Variants in DIAPH3 observed in about 807,000 individuals in gnomAD.
DIAPH3 encodes protein diaphanous homolog 3.
In DIAPH3, 117 loss-of-function variants were observed where a neutral mutation model predicts 144.3. The observed-to-expected ratio is 0.81, with a 90% CI of 0.70 to 0.95. The LOEUF is 0.95. DIAPH3 is among the 40% of genes least tolerant of loss of function. The pLI, the probability that DIAPH3 is intolerant of heterozygous loss-of-function variation, is 0.00. For synonymous variants in DIAPH3, 519 were observed against 488.9 expected (o/e 1.06, Z -0.81); for missense variants, 1,421 against 1,412.7 (o/e 1.01, Z -0.09).
chr13:60,146,448 C>T (rs908890218), intron 1 of DIAPH3, among the ~76,000 whole-genome samples: 6 of 152,330 alleles, frequency 3.9e-5, no homozygotes, highest in African/African-American at 1.4e-4. Flanking sequence ...AACACAGATT[C>T]ATCTCCTTAA....
At chr13:60,163,195 T>C (rs1361922766) in intron 1 of DIAPH3, among the ~76,000 whole-genome samples, 1 of 152,204 alleles carries the variant, frequency 6.6e-6, no homozygotes, top group Non-Finnish European at 1.5e-5. Context: ...AAAGTTCTTA[T>C]ATGTAATTAA....
intron 2 of DIAPH3, among the ~76,000 whole-genome samples, chr13:60,116,430 T>TAAAACA (rs149343872): frequency 0.037 from 5,639 of 152,080 alleles, 168 homozygotes; most frequent in East Asian, 0.1. Context: ...GATGTTTGTT[T>TAAAACA]AAAACAAAAA....
intron 5 of DIAPH3, among the ~76,000 whole-genome samples, chr13:60,034,152 TTC>T (rs1442734612): frequency 2.6e-5 from 4 of 152,194 alleles, no homozygotes; most frequent in African/African-American, 9.7e-5. Context: ...GTTTAATAAT[TTC>T]TCTCATTGAA....
At chr13:59,852,169 T>C (rs1795519601) in intron 22 of DIAPH3, among the ~76,000 whole-genome samples, 1 of 152,210 alleles carries the variant, frequency 6.6e-6, no homozygotes, top group African/African-American at 2.4e-5. Flanking sequence ...TAGACACTTA[T>C]ATGACAAAAG....
intron 1 of DIAPH3, among the ~76,000 whole-genome samples, chr13:60,143,798 G>A (rs1951383383): frequency 6.6e-6 from 1 of 152,122 alleles, no homozygotes; most frequent in Admixed American, 6.5e-5. Flanking sequence ...GCTCAAATAT[G>A]GGGGTTGAAA....
intron 2 of DIAPH3, among the ~76,000 whole-genome samples, chr13:60,127,764 A>G (rs1035499802): frequency 1.3e-5 from 2 of 152,148 alleles, no homozygotes; most frequent in South Asian, 2.1e-4. Flanking sequence ...TACAGAGGGA[A>G]CCTTTTGGGG....
intron 18 of DIAPH3, among the ~76,000 whole-genome samples, chr13:59,918,595 G>T (rs180906491): frequency 4.5e-4 from 68 of 152,160 alleles, no homozygotes; most frequent in Non-Finnish European, 9.1e-4. Flanking sequence ...AAAATTTCCA[G>T]CCTGGGCTGC....
chr13:60,053,884 T>C (rs1473808984), intron 4 of DIAPH3, among the ~76,000 whole-genome samples: 1 of 152,062 alleles, frequency 6.6e-6, no homozygotes, highest in Non-Finnish European at 1.5e-5. Context: ...ATCTACACAC[T>C]CTGAAAGAAG....
chr13:59,914,758 A>G (rs2047149353), intron 19 of DIAPH3, among the ~76,000 whole-genome samples: 1 of 152,206 alleles, frequency 6.6e-6, no homozygotes, highest in South Asian at 2.1e-4. Context: ...TGGAAATACA[A>G]ACAGATTCTT....
intron 20 of DIAPH3, among the ~76,000 whole-genome samples, chr13:59,891,388 T>C (rs1323773545): frequency 6.6e-6 from 1 of 151,058 alleles, no homozygotes. Context: ...CAACACTACA[T>C]AGATGGTCTA....
At chr13:59,967,053 G>T (rs577490181) in intron 17 of DIAPH3, among the ~76,000 whole-genome samples, 1 of 151,688 alleles carries the variant, frequency 6.6e-6, no homozygotes, top group African/African-American at 2.4e-5. Context: ...GGGTTTGCCT[G>T]TTTTTGTTTT....
At chr13:59,875,672 G>A (rs1459906230) in intron 21 of DIAPH3, among the ~76,000 whole-genome samples, 3 of 152,096 alleles carry the variant, frequency 2.0e-5, no homozygotes, top group Non-Finnish European at 4.4e-5. Flanking sequence ...AGTGAAGTTT[G>A]CACATCACTT....
chr13:60,088,306 T>C (rs969750892), intron 4 of DIAPH3, among the ~76,000 whole-genome samples: 1 of 152,126 alleles, frequency 6.6e-6, no homozygotes, highest in Non-Finnish European at 1.5e-5. Context: ...TCTCTTTAAA[T>C]ATCTCTCCAA....
At position 59,784,849 on chromosome 13, in the gene DIAPH3, G is replaced by A. The variant is rs540543221; in HGVS notation, c.3164-10026C>T. Among the ~76,000 whole-genome samples, 205 of 150,892 alleles carry A rather than the reference G, an allele frequency of 1.4e-3. 1 individual carries two copies. The highest frequency in any genetic ancestry group is 4.7e-3 in the African/African-American group (194 of 41,228). ...ATTCTAGAAGAAAAACCACACACGC[G>A]CGCACACACACACACACACACAGTT... is the stretch of plus-strand genomic sequence containing the variant. On this transcript the variant is annotated intron_variant, in intron 25 of 27. Transcript: ENST00000400324.
Position 59,675,466 on chromosome 13 carries a change from G to A in DIAPH3, c.3320-8620C>T, listed in dbSNP as rs546055402. Among the ~76,000 whole-genome samples the A allele has an allele frequency of 5.0e-4, 76 of 151,258 alleles. 1 individual carries two copies. The highest frequency in any genetic ancestry group is 1.8e-3 in the African/African-American group (75 of 41,192). On this transcript the variant is annotated intron_variant, in intron 27 of 27. Coordinates refer to ENST00000400324, the MANE Select transcript of DIAPH3 (RefSeq NM_001042517.2). ...GTGGCACGATCTCGGCTCACTGCAA[G>A]CTTCGCCTCCCGGGTTCATGCCATT...
At chr13:59,680,430 G>A (rs951788827) in intron 27 of DIAPH3, among the ~76,000 whole-genome samples, 3 of 152,136 alleles carry the variant, frequency 2.0e-5, no homozygotes, top group Admixed American at 2.0e-4. Flanking sequence ...ATAGATTAAC[G>A]AAGTTGGTTC....
intron 17 of DIAPH3, among the ~76,000 whole-genome samples, chr13:59,930,510 A>G (rs2047972041): frequency 6.6e-6 from 1 of 152,216 alleles, no homozygotes; most frequent in Admixed American, 6.5e-5. Context: ...ACACAACAAT[A>G]GAAGAATAGT....
rs145938090 is a variant in DIAPH3, at chr13:60,072,457, C to A, written c.495+21171G>T. Among the ~76,000 whole-genome samples, 37 of 152,226 alleles carry A rather than the reference C, an allele frequency of 2.4e-4. No individual in the cohort carries two copies. The East Asian group carries it at 6.6e-3, about 27-fold the overall frequency. On this transcript the variant is annotated intron_variant, in intron 4 of 27. Transcript: ENST00000400324. ...ACAAGAAAACCAATCTATAGCAGGC[C>A]ATAACTAATTTTATTAATTTCAGGG... is the stretch of plus-strand genomic sequence containing the variant.
chr13:59,796,543 G>A (rs2039615153), intron 25 of DIAPH3, among the ~76,000 whole-genome samples: 1 of 152,160 alleles, frequency 6.6e-6, no homozygotes, highest in Admixed American at 6.5e-5. Flanking sequence ...AGAAAATTAA[G>A]AGCATAGACA....
Sources: allele counts gnomAD v4.1 joint callset (sites outside exome capture counted in the v4.1 genomes callset), GRCh38; gene constraint gnomAD v4.1.1; transcripts MANE v1.5; gene names NCBI Gene and HGNC (gene_info 2026-07-23, HGNC 2026-07-21).